Variants in SEL1L3 observed in about 807,000 individuals in gnomAD.
SEL1L3 encodes the protein protein sel-1 homolog 3.
A neutral mutation model predicts 142.8 loss-of-function variants in SEL1L3; 76 were observed. That is an observed-to-expected ratio of 0.53 (90% CI 0.44 to 0.64). The LOEUF is 0.64. Among genes scored for constraint, SEL1L3 ranks in the 30% least tolerant of loss-of-function variants. The probability of loss-of-function intolerance (pLI) is 0.00; values close to 1 mark genes in which losing one functional copy is unlikely to be tolerated. For synonymous variants in SEL1L3, 504 were observed against 519.6 expected (o/e 0.97, Z 0.41); for missense variants, 1,262 against 1,381.7 (o/e 0.91, Z 1.37).
chr4:25,736,145 T>C, the SEL1L3 span, among the ~76,000 whole-genome samples: 1 of 151,532 alleles, frequency 6.6e-6, no homozygotes, highest in East Asian at 2.0e-4. Context: ...TTCTAACTAT[T>C]CTAGCTGTTT....
chr4:25,765,814 T>A (rs1187618734), intron 19 of SEL1L3, among the ~76,000 whole-genome samples: 1 of 151,952 alleles, frequency 6.6e-6, no homozygotes, highest in Non-Finnish European at 1.5e-5. Flanking sequence ...AATTTTTGTA[T>A]TTTTTATAGA....
chr4:25,834,973 G>C (rs529665136), intron 3 of SEL1L3, among the ~76,000 whole-genome samples: 3 of 152,300 alleles, frequency 2.0e-5, no homozygotes, highest in Admixed American at 6.5e-5. Flanking sequence ...GTCATGTAAG[G>C]AGGCTAAGGC....
At chr4:25,798,099 G>A (rs1712909795) in intron 11 of SEL1L3, among the ~76,000 whole-genome samples, 1 of 152,138 alleles carries the variant, frequency 6.6e-6, no homozygotes, top group Non-Finnish European at 1.5e-5. Context: ...TGCGAGTTTG[G>A]TTGGGGAGGT....
chr4:25,849,859 C>T (rs1052199957), intron 1 of SEL1L3, among the ~76,000 whole-genome samples: 14 of 152,066 alleles, frequency 9.2e-5, no homozygotes, highest in African/African-American at 1.9e-4. Context: ...GCAATACAGG[C>T]GAAACGTGGT....
intron 9 of SEL1L3, among the ~76,000 whole-genome samples, chr4:25,814,669 AT>A (rs1243341154): frequency 6.6e-6 from 1 of 152,118 alleles, no homozygotes; most frequent in Non-Finnish European, 1.5e-5. Flanking sequence ...AACGAAGGGT[AT>A]TTGAGGAACT....
chr4:25,799,478 T>C (rs1258314141), intron 11 of SEL1L3, among the ~76,000 whole-genome samples: 2 of 152,198 alleles, frequency 1.3e-5, no homozygotes, highest in Non-Finnish European at 2.9e-5. Context: ...TTTCCGAGTA[T>C]AGTTCCATTC....
chr4:25,813,673 C>A (rs1340346525), intron 9 of SEL1L3, among the ~76,000 whole-genome samples: 1 of 152,244 alleles, frequency 6.6e-6, no homozygotes, highest in South Asian at 2.1e-4. Flanking sequence ...CTGTGTACAC[C>A]TAAAACTGGT....
rs554859630 is a variant in SEL1L3, at chr4:25,829,033, C to T, written c.1157+1065G>A. On this transcript the variant is annotated intron_variant, in intron 6 of 23. Coordinates refer to ENST00000399878, the MANE Select transcript of SEL1L3 (RefSeq NM_015187.5). ...CTGTCACCAGGCTGGAGTGCAGTGG[C>T]GCCATCTCAGCTCACTGCAACCTCT... is the stretch of plus-strand genomic sequence containing the variant. Among the ~76,000 whole-genome samples, 136 of 152,206 alleles carry T rather than the reference C, an allele frequency of 8.9e-4. 2 individuals carry two copies. The highest frequency in any genetic ancestry group is 3.0e-3 in the African/African-American group (126 of 41,522).
chr4:25,731,072 C>G, the SEL1L3 span, among the ~76,000 whole-genome samples: 1 of 152,124 alleles, frequency 6.6e-6, no homozygotes, highest in Non-Finnish European at 1.5e-5. Context: ...TTTCAGCTCT[C>G]TAGTTACAAG....
chr4:25,821,150 C>A (rs1714725343), intron 7 of SEL1L3, among the ~76,000 whole-genome samples: 1 of 152,198 alleles, frequency 6.6e-6, no homozygotes, highest in Non-Finnish European at 1.5e-5. Context: ...GCATTTGTTG[C>A]ACAAATGACT....
chr4:25,748,699 A>C, intron 23 of SEL1L3, 135 bp from the exon 24 acceptor site: 1 of 788,912 alleles, frequency 1.3e-6, no homozygotes, highest in Non-Finnish European at 1.9e-6. Context: ...TAGCCAGGCA[A>C]CTCTGGACCC....
downstream of SEL1L3, among the ~76,000 whole-genome samples, chr4:25,743,475 C>T (rs1247016061): frequency 3.3e-5 from 5 of 152,064 alleles, no homozygotes; most frequent in Admixed American, 2.0e-4. Context: ...CCCAGAAAGT[C>T]GTGACGACAT....
chr4:25,715,814 A>T, the SEL1L3 span, among the ~76,000 whole-genome samples: 1 of 149,816 alleles, frequency 6.7e-6, no homozygotes, highest in Non-Finnish European at 1.5e-5. Flanking sequence ...AGAAAAAAAA[A>T]CCCAAGATGC....
intron 23 of SEL1L3, among the ~76,000 whole-genome samples, chr4:25,752,892 C>T (rs919041570): frequency 1.3e-5 from 2 of 152,222 alleles, no homozygotes; most frequent in African/African-American, 4.8e-5. Flanking sequence ...AAGTGCTAGG[C>T]GTGAGCCACT....
chr4:25,761,951 T>A (rs543776049), intron 20 of SEL1L3, among the ~76,000 whole-genome samples: 32 of 152,322 alleles, frequency 2.1e-4, no homozygotes, highest in Admixed American at 6.5e-4. Context: ...TATTTTTTTT[T>A]AATTTTTACT....
At chr4:25,794,421 G>GA (rs968056555) in intron 11 of SEL1L3, among the ~76,000 whole-genome samples, 82 of 152,176 alleles carry the variant, frequency 5.4e-4, no homozygotes, top group African/African-American at 1.9e-3. Flanking sequence ...AAATGTAGGG[G>GA]AAAAAAAGCT....
intron 14 of SEL1L3, 63 bp downstream of exon 14, chr4:25,784,164 AC>A (rs1711618539): frequency 7.5e-7 from 1 of 1,331,378 alleles, no homozygotes; most frequent in East Asian, 2.3e-5. Context: ...CCTCTTTTAG[AC>A]GTGCGAGAGC....
intron 20 of SEL1L3, 123 bp downstream of exon 20, chr4:25,765,203 A>G: frequency 1.5e-6 from 1 of 681,938 alleles, no homozygotes; most frequent in Non-Finnish European, 2.6e-6. Context: ...CATGTTGCTC[A>G]GGCTGGTCCC....
At chr4:25,863,439 T>C (rs1275686813), upstream of SEL1L3, 2 of 700,464 alleles carry the variant, frequency 2.9e-6, no homozygotes, top group Non-Finnish European at 5.2e-6. Context: ...CCCACCCCTT[T>C]TGCGGGTCGC....
Sources: gnomAD v4.1 joint callset for allele counts (sites outside exome capture counted in the v4.1 genomes callset) on GRCh38, gnomAD v4.1.1 for gene constraint, MANE v1.5 for transcripts, NCBI Gene and HGNC (gene_info 2026-07-23, HGNC 2026-07-21) for gene names.